ULBP3: variants seen among roughly 807,000 people sequenced by gnomAD.
The protein encoded by ULBP3 is UL16-binding protein 3.
A neutral mutation model predicts 24.9 loss-of-function variants in ULBP3; 25 were observed. The observed-to-expected ratio is 1.00, with a 90% CI of 0.73 to 1.40. ULBP3 has a LOEUF of 1.40. Ranked by LOEUF, ULBP3 falls within the 40% of genes most tolerant of loss-of-function variation. The pLI is 0.00. For synonymous variants in ULBP3, 114 were observed against 114.7 expected (o/e 0.99, Z 0.04); for missense variants, 306 against 307.5 (o/e 1.00, Z 0.04).
intron 1 of ULBP3, among the ~76,000 whole-genome samples, chr6:150,068,609 T>C (rs992724827): frequency 6.6e-6 from 1 of 152,354 alleles, no homozygotes; most frequent in Admixed American, 6.5e-5. Context: ...TATATGACGC[T>C]GGCGTCACCC....
rs1776285552 is a variant in ULBP3 at position 150,062,485 on chromosome 6, T to C, written c.*889A>G. 1.3e-5 allele frequency among the ~76,000 whole-genome samples: 2 copies of C among 150,020 alleles called. No homozygotes were observed. Among genetic ancestry groups the C allele is most frequent in the Non-Finnish European group, 3.0e-5 (2 of 67,386 alleles). ...CTAGAGGATCACTTGAGCCCAGGAG[T>C]TGGAGATTACAGTGAGTGATGACTA... On this transcript the variant is annotated 3_prime_UTR_variant, in exon 5 of 5. Coordinates refer to ENST00000367339, the MANE Select transcript of ULBP3 (RefSeq NM_024518.3).
rs1776272094 is a variant in ULBP3 at position 150,061,341 on chromosome 6, C to T, written c.*2033G>A. Among the ~76,000 whole-genome samples the T allele has an allele frequency of 6.6e-6, 1 of 152,162 alleles. No homozygotes were observed. Among genetic ancestry groups the T allele is most frequent in the Admixed American group, 6.5e-5 (1 of 15,278 alleles). ...ATGGGTAGATTTTGGAAGGCTGAGG[C>T]TTGGTGTCCCAATGATCTCATCACT... On this transcript the variant is annotated 3_prime_UTR_variant, in exon 5 of 5. Transcript: ENST00000367339.
chr6:150,063,456 G>T, intron 4 of ULBP3, 105 bp from the exon 5 acceptor site: 1 of 568,726 alleles, frequency 1.8e-6, no homozygotes, highest in African/African-American at 2.0e-5. Context: ...TTCTCCCCCA[G>T]ATAAGGAACA....
intron 3 of ULBP3, among the ~76,000 whole-genome samples, chr6:150,064,942 C>T (rs111410930): frequency 1.3e-5 from 2 of 151,776 alleles, no homozygotes; most frequent in South Asian, 2.1e-4. Context: ...CACAGCCCAC[C>T]CTCCTGCTGT....
chr6:150,068,954 G>C, intron 1 of ULBP3, 25 bp downstream of exon 1: 1 of 1,580,244 alleles, frequency 6.3e-7, no homozygotes, highest in South Asian at 1.2e-5. Context: ...CCCCCGCCCC[G>C]CTTAGGCTCC....
rs146172412 is a variant in ULBP3, at chr6:150,061,915, A to G, written c.*1459T>C. Among the ~76,000 whole-genome samples the G allele has an allele frequency of 0.011, 1,678 of 152,160 alleles. 32 individuals are homozygous for G. The highest frequency in any genetic ancestry group is 0.038 in the African/African-American group (1,595 of 41,480). ...CCTCTGCAGCCTCACCACCATCTCC[A>G]ACTTTGTGACTGGTAAGAGATGGTA... On this transcript the variant is annotated 3_prime_UTR_variant, in exon 5 of 5. Transcript: ENST00000367339.
In ULBP3 at chr6:150,061,212, G is replaced by C. The variant is rs1776270903; in HGVS notation, c.*2162C>G. ...GTGCAAAGTTCTCTCGTTCCACTCA[G>C]TTAACCCCATTTTTTGGAGGGCTCT... On this transcript the variant is annotated 3_prime_UTR_variant, in exon 5 of 5. Coordinates refer to ENST00000367339, the MANE Select transcript of ULBP3 (RefSeq NM_024518.3). 6.6e-6 allele frequency among the ~76,000 whole-genome samples: 1 copy of C among 152,104 alleles called. No homozygotes were observed. The highest frequency in any genetic ancestry group is 2.4e-5 in the African/African-American group (1 of 41,400).
At chr6:150,063,427 G>A (rs916947931) in intron 4 of ULBP3, 76 bp from the exon 5 acceptor site, 15 of 773,454 alleles carry the variant, frequency 1.9e-5, no homozygotes, top group South Asian at 1.2e-4. Flanking sequence ...TCCTTCCCAG[G>A]CCCTCCCCAT....
chr6:150,061,417 T>G lies in ULBP3; in HGVS notation c.*1957A>C, dbSNP rs543644692. Among the ~76,000 whole-genome samples the G allele has an allele frequency of 6.6e-6, 1 of 152,324 alleles. No individual in the cohort carries two copies. Among genetic ancestry groups the G allele is most frequent in the South Asian group, 2.1e-4 (1 of 4,828 alleles). ...GGTGGTTTTTCAGCCCAGGTGCCCC[T>G]CCTGTCTCACCTGTCTAGTAATCTC... On this transcript the variant is annotated 3_prime_UTR_variant, in exon 5 of 5. Transcript: ENST00000367339.
Position 150,065,615 on chromosome 6 carries a change from A to G in ULBP3, c.411T>C (p.Arg137=). 1 of 1,614,206 alleles carries G rather than the reference A, an allele frequency of 6.2e-7. No homozygotes were observed. Among genetic ancestry groups the G allele is most frequent in the Non-Finnish European group, 8.5e-7 (1 of 1,180,028 alleles). Residue 137 remains arginine (R), a synonymous_variant, in exon 3 of 5, where the codon CGT becomes CGC. Coordinates refer to ENST00000367339, the MANE Select transcript of ULBP3 (RefSeq NM_024518.3). The part of the protein sequence containing the change: ...SCECEADGYI[R]GSWQFSFDGR... ...CATCGAAGCTGAACTGCCAAGATCCACGGATGTATCCATCGGCTTCACACT... is the reference window on the plus strand; with the variant it reads ...CATCGAAGCTGAACTGCCAAGATCCGCGGATGTATCCATCGGCTTCACACT...
intron 3 of ULBP3, among the ~76,000 whole-genome samples, chr6:150,064,978 G>A (rs1235407038): frequency 6.6e-6 from 1 of 151,904 alleles, no homozygotes; most frequent in East Asian, 1.9e-4. Flanking sequence ...GATGCCCTAG[G>A]GCCGGGACAG....
intron 1 of ULBP3, among the ~76,000 whole-genome samples, 163 bp from the exon 2 acceptor site, chr6:150,066,325 G>A (rs1776347218): frequency 6.6e-6 from 1 of 152,266 alleles, no homozygotes; most frequent in African/African-American, 2.4e-5. Context: ...TCGCTAACAT[G>A]TCTATCTCCC....
rs145100016 is a variant in ULBP3 at position 150,066,965 on chromosome 6, G to A, written c.89-803C>T. 2.7e-3 allele frequency among the ~76,000 whole-genome samples: 417 copies of A among 152,180 alleles called. 1 individual carries two copies. The highest frequency in any genetic ancestry group is 9.5e-3 in the African/African-American group (395 of 41,510). On this transcript the variant is annotated intron_variant, in intron 1 of 4. Coordinates refer to ENST00000367339, the MANE Select transcript of ULBP3 (RefSeq NM_024518.3). ...AAATAAGAGATCTCAAGTGGAGGCC[G>A]TCAACTGTCAGCAGGAAGGAGGGTG...
rs749793921 is a variant in ULBP3, at chr6:150,064,591, C to G, written c.*16G>C. The G allele has an allele frequency of 1.2e-6, 2 of 1,613,560 alleles. No individual in the cohort carries two copies. Among genetic ancestry groups the G allele is most frequent in the Non-Finnish European group, 1.7e-6 (2 of 1,179,572 alleles). On this transcript the variant is annotated 3_prime_UTR_variant, in exon 4 of 5. Transcript: ENST00000367339. The stretch of plus-strand genomic sequence containing the variant: ...ACAGTTTTGCCCACAGTACCTGTCA[C>G]TCTAAATGACTCTTCTCAGATGCCA...
At chr6:150,068,886 C>T (rs1776387560) in intron 1 of ULBP3, 93 bp downstream of exon 1, 1 of 1,331,042 alleles carries the variant, frequency 7.5e-7, no homozygotes, top group African/African-American at 1.5e-5. Flanking sequence ...CGCGCCGGTC[C>T]TTCTAGAAGG....
chr6:150,064,449 G>A (rs1776316891), intron 4 of ULBP3, 136 bp downstream of exon 4: 4 of 759,786 alleles, frequency 5.3e-6, no homozygotes. Context: ...GCGACACCAG[G>A]TCTCATTCAC....
At chr6:150,068,673 C>A (rs1270099676) in intron 1 of ULBP3, among the ~76,000 whole-genome samples, 2 of 152,242 alleles carry the variant, frequency 1.3e-5, no homozygotes, top group African/African-American at 4.8e-5. Flanking sequence ...TTCCCGAGGA[C>A]GAGTGGGGCT....
At chr6:150,064,520 T>C in intron 4 of ULBP3, 65 bp downstream of exon 4, 1 of 1,443,518 alleles carries the variant, frequency 6.9e-7, no homozygotes, top group Non-Finnish European at 9.7e-7. Flanking sequence ...CTGGAAATTC[T>C]CCTTTCCCTT....
At position 150,065,536 on chromosome 6, in the gene ULBP3, C is replaced by T. The variant is rs571728197; in HGVS notation, c.490G>A (p.Ala164Thr). Reference protein sequence around the residue: ...SNNRKWTVVHAGARRMKEKWE... With the variant: ...SNNRKWTVVHTGARRMKEKWE... ...TTCTCTTTCATCCGCCTGGCTCCAG[C>T]GTGAACCACTGTCCACTTTCTGTTG... The change falls in exon 3 of 5, where the codon GCT (alanine) becomes ACT (threonine). Residue 164 changes from alanine (A) to threonine (T), a missense_variant. Ala to Thr is a moderately conservative substitution (Grantham distance 58). Transcript: ENST00000367339. 2.1e-4 allele frequency: 340 copies of T among 1,614,180 alleles called. 1 individual carries two copies. The South Asian group carries it at 3.4e-3, about 16-fold the overall frequency.
Sources: allele counts gnomAD v4.1 joint callset (sites outside exome capture counted in the v4.1 genomes callset), GRCh38; gene constraint gnomAD v4.1.1; transcripts MANE v1.5; gene names NCBI Gene and HGNC (gene_info 2026-07-23, HGNC 2026-07-21).